The following PDSS2 variants were observed in gnomAD, a reference collection of about 807,000 sequenced individuals.
The protein encoded by PDSS2 is all trans-polyprenyl-diphosphate synthase PDSS2.
In PDSS2, 31 loss-of-function variants were observed where a neutral mutation model predicts 44.5. That is an observed-to-expected ratio of 0.70 (90% CI 0.52 to 0.94). The LOEUF (loss-of-function observed/expected upper bound fraction) is 0.94. Ranked by LOEUF, PDSS2 falls within the 40% of genes least tolerant of loss-of-function variation. The pLI, the probability that PDSS2 is intolerant of heterozygous loss-of-function variation, is 0.00. For synonymous variants in PDSS2, 157 were observed against 180.3 expected, an observed-to-expected ratio of 0.87 and a Z score of 1.03; for missense variants, 452 against 482.2, an observed-to-expected ratio of 0.94 and a Z score of 0.59.
chr6:107,202,952 G>A (rs879611189), intron 6 of PDSS2, among the ~76,000 whole-genome samples: 4 of 151,792 alleles, frequency 2.6e-5, no homozygotes, highest in Non-Finnish European at 4.4e-5. Flanking sequence ...TCTGCTCAGA[G>A]GTCTTGTTAT....
intron 1 of PDSS2, among the ~76,000 whole-genome samples, chr6:107,454,807 CA>C (rs111588265): frequency 0.027 from 4,131 of 151,544 alleles, 169 homozygotes; most frequent in East Asian, 0.12. Context: ...AATAAAAAAA[CA>C]AAAAAAATAC....
intron 4 of PDSS2, among the ~76,000 whole-genome samples, chr6:107,238,817 G>A (rs993041890): frequency 6.6e-6 from 1 of 152,026 alleles, no homozygotes; most frequent in African/African-American, 2.4e-5. Flanking sequence ...TTATAAGCAG[G>A]TTTTTCTCAG....
chr6:107,186,544 A>G (rs1163093439), intron 7 of PDSS2, among the ~76,000 whole-genome samples: 1 of 152,100 alleles, frequency 6.6e-6, no homozygotes, highest in Non-Finnish European at 1.5e-5. Context: ...TTTGTTACAC[A>G]GGTATACATG....
At chr6:107,291,006 G>A (rs1314015728) in intron 2 of PDSS2, among the ~76,000 whole-genome samples, 31 of 138,350 alleles carry the variant, frequency 2.2e-4, no homozygotes, top group Middle Eastern at 3.6e-3. Flanking sequence ...AGCTCAAACC[G>A]TTAAAAAAAA....
Position 107,402,004 on chromosome 6 carries a change from C to T in PDSS2, c.296+56986G>A, listed in dbSNP as rs147451772. 1.8e-3 allele frequency among the ~76,000 whole-genome samples: 275 copies of T among 152,082 alleles called. 1 individual carries two copies. The highest frequency in any genetic ancestry group is 5.4e-3 in the African/African-American group (226 of 41,480). On this transcript the variant is annotated intron_variant, in intron 1 of 7. Coordinates refer to ENST00000369037, the MANE Select transcript of PDSS2 (RefSeq NM_020381.4). Reference sequence around the variant, plus strand: ...TTAAAAATACAAAAATTAGGCCGGGCGCAGTGGCTCACACCTGTAATCCTA... The same window carrying T: ...TTAAAAATACAAAAATTAGGCCGGGTGCAGTGGCTCACACCTGTAATCCTA...
chr6:107,188,704 G>A (rs944542224), intron 7 of PDSS2, among the ~76,000 whole-genome samples: 2 of 152,096 alleles, frequency 1.3e-5, no homozygotes, highest in South Asian at 2.1e-4. Flanking sequence ...CCTTGGTGAC[G>A]AGTGAGTTCT....
chr6:107,230,487 TA>T (rs1774006594), intron 4 of PDSS2, among the ~76,000 whole-genome samples: 2 of 152,146 alleles, frequency 1.3e-5, no homozygotes, highest in Admixed American at 1.3e-4. Context: ...TTACTATTGA[TA>T]AAGGTACCCC....
At chr6:107,299,373 T>C (rs188733813) in intron 2 of PDSS2, among the ~76,000 whole-genome samples, 9 of 152,224 alleles carry the variant, frequency 5.9e-5, no homozygotes, top group Admixed American at 4.6e-4. Flanking sequence ...ATTAGCAGGA[T>C]ACTAAAAGTT....
chr6:107,349,798 CACAAT>C (rs2115328819), intron 1 of PDSS2, among the ~76,000 whole-genome samples: 1 of 152,146 alleles, frequency 6.6e-6, no homozygotes, highest in African/African-American at 2.4e-5. Context: ...CCCTAATAAC[CACAAT>C]ACAACCATCA....
At chr6:107,207,076 T>C (rs1184781011) in intron 6 of PDSS2, among the ~76,000 whole-genome samples, 1 of 151,492 alleles carries the variant, frequency 6.6e-6, no homozygotes, top group African/African-American at 2.4e-5. Context: ...GACTGCAACC[T>C]CCGCTTCCTG....
Position 107,212,103 on chromosome 6 carries a change from A to G in PDSS2, c.876+6T>C, listed in dbSNP as rs886038655. 6.2e-7 allele frequency: 1 copy of G among 1,612,722 alleles called. No individual in the cohort carries two copies. The highest frequency in any genetic ancestry group is 8.5e-7 in the Non-Finnish European group (1 of 1,178,748). ...ACTGAAAAAAGATAAAGGGTGTGCA[A>G]AGTACCTTATGACTCATGGCCATGT... On this transcript the variant is annotated splice_donor_region_variant and intron_variant, in intron 5 of 7. Coordinates refer to ENST00000369037, the MANE Select transcript of PDSS2 (RefSeq NM_020381.4).
At chr6:107,287,793 T>G (rs1260736522) in intron 2 of PDSS2, among the ~76,000 whole-genome samples, 2 of 152,216 alleles carry the variant, frequency 1.3e-5, no homozygotes, top group Admixed American at 1.3e-4. Flanking sequence ...AGTGCTGGGA[T>G]CACAGGCGTG....
At chr6:107,267,438 G>A (rs1006962778) in intron 3 of PDSS2, among the ~76,000 whole-genome samples, 6 of 152,074 alleles carry the variant, frequency 3.9e-5, no homozygotes, top group African/African-American at 1.4e-4. Context: ...TGAGTCCCAG[G>A]GGCAAAGAAC....
chr6:107,340,107 T>C (rs1458179880), intron 1 of PDSS2, among the ~76,000 whole-genome samples: 3 of 151,966 alleles, frequency 2.0e-5, no homozygotes, highest in Non-Finnish European at 2.9e-5. Context: ...AAAATAATGT[T>C]GATTCAACTC....
intron 1 of PDSS2, among the ~76,000 whole-genome samples, chr6:107,420,949 CA>C (rs1780805540): frequency 6.6e-6 from 1 of 151,894 alleles, no homozygotes; most frequent in African/African-American, 2.4e-5. Context: ...ATTTTATATC[CA>C]AAGGACTTCT....
intron 1 of PDSS2, among the ~76,000 whole-genome samples, chr6:107,408,499 G>A (rs1204657689): frequency 6.6e-6 from 1 of 152,166 alleles, no homozygotes; most frequent in Non-Finnish European, 1.5e-5. Flanking sequence ...GCAGATTACT[G>A]CATTTAGCCT....
At chr6:107,398,832 G>A (rs1780023694) in intron 1 of PDSS2, among the ~76,000 whole-genome samples, 1 of 152,168 alleles carries the variant, frequency 6.6e-6, no homozygotes, top group African/African-American at 2.4e-5. Context: ...CTTGGAAACT[G>A]TCCTCAGGAG....
chr6:107,416,167 T>C (rs1780651327), intron 1 of PDSS2, among the ~76,000 whole-genome samples: 1 of 152,182 alleles, frequency 6.6e-6, no homozygotes, highest in South Asian at 2.1e-4. Flanking sequence ...ATTCCTATGG[T>C]AAAACGACAG....
At chr6:107,318,965 G>A (rs1487168179) in intron 2 of PDSS2, among the ~76,000 whole-genome samples, 1 of 151,714 alleles carries the variant, frequency 6.6e-6, no homozygotes, top group Non-Finnish European at 1.5e-5. Flanking sequence ...TCCAGCCTGG[G>A]TGACAGAGTG....
Sources: gnomAD v4.1 joint callset for allele counts (sites outside exome capture counted in the v4.1 genomes callset) on GRCh38, gnomAD v4.1.1 for gene constraint, MANE v1.5 for transcripts, NCBI Gene and HGNC (gene_info 2026-07-23, HGNC 2026-07-21) for gene names.